Variants in FSTL3 observed in about 807,000 individuals in gnomAD.
FSTL3 encodes follistatin like 3.
FSTL3 carries 21 observed loss-of-function variants against 28.1 expected under a neutral mutation model. That is an observed-to-expected ratio of 0.75 (90% CI 0.53 to 1.08). The LOEUF is 1.08. Among genes scored for constraint, FSTL3 ranks in the 50% least tolerant of loss-of-function variants. The pLI is 0.00. For missense variants in FSTL3, 400 were observed against 380.9 expected, an observed-to-expected ratio of 1.05 and a Z score of -0.42; for synonymous variants, 199 against 164.2, an observed-to-expected ratio of 1.21 and a Z score of -1.62.
chr19:681,596 G>A (rs1262221729), intron 4 of FSTL3, 36 bp downstream of exon 4: 2 of 1,596,470 alleles, frequency 1.3e-6, no homozygotes, highest in African/African-American at 2.7e-5. Flanking sequence ...GCCTGTCCTG[G>A]GGGCCGGAGA....
Position 681,775 on chromosome 19 carries a change from G to A in FSTL3, c.*67G>A. On this transcript the variant is annotated 3_prime_UTR_variant, in exon 5 of 5. Transcript: ENST00000166139. Reference sequence around the variant, plus strand: ...TCATCCCCTGTTATTTATTGCCACAGCAGAGTCTAATTTATATGCCACGGA... The same window carrying A: ...TCATCCCCTGTTATTTATTGCCACAACAGAGTCTAATTTATATGCCACGGA... 2 of 1,353,746 alleles carry A rather than the reference G, an allele frequency of 1.5e-6. No individual in the cohort carries two copies. The highest frequency in any genetic ancestry group is 2.1e-6 in the Non-Finnish European group (2 of 970,314). 83.9% of individuals were successfully genotyped at this position (1,353,746 alleles called of 1,614,324 possible).
At chr19:679,733 C>G (rs2031284229) in intron 2 of FSTL3, among the ~76,000 whole-genome samples, 1 of 152,150 alleles carries the variant, frequency 6.6e-6, no homozygotes, top group South Asian at 2.1e-4. Flanking sequence ...GGTTCAGAGG[C>G]CTAGGGCTGT....
chr19:681,441 G>A lies in FSTL3; in HGVS notation c.614G>A (p.Ser205Asn). Residue 205 changes from serine to asparagine, a missense_variant, in exon 4 of 5, where the codon AGC (serine) becomes AAC (asparagine). Ser to Asn is a conservative substitution (Grantham distance 46). Coordinates refer to ENST00000166139, the MANE Select transcript of FSTL3 (RefSeq NM_005860.3). ...CRAAPCPVPS[S>N]PGQELCGNNN... ...GCGGCGCCCTGCCCTGTGCCCTCCA[G>A]CCCCGGCCAGGAGCTTTGCGGCAAC... 6.3e-7 allele frequency: 1 copy of A among 1,598,982 alleles called. No homozygotes were observed. The highest frequency in any genetic ancestry group is 8.5e-7 in the Non-Finnish European group (1 of 1,179,316).
chr19:680,545 T>C (rs1395994423), intron 3 of FSTL3, 56 bp downstream of exon 3: 2 of 952,300 alleles, frequency 2.1e-6, no homozygotes, highest in Admixed American at 4.7e-5. Context: ...GACCTGCGCG[T>C]CATGTATCGA....
Position 682,917 on chromosome 19 carries a change from G to A in FSTL3, c.*1209G>A. On this transcript the variant is annotated 3_prime_UTR_variant, in exon 5 of 5. Transcript: ENST00000166139. ...CCGGGTGTCCCAGTGGCACCACTAG[G>A]TGCCTGCTGCCTCCACAGTGGGGTT... is the stretch of plus-strand genomic sequence containing the variant. 1 of 232,822 alleles carries A rather than the reference G, an allele frequency of 4.3e-6. No individual in the cohort carries two copies. The highest frequency in any genetic ancestry group is 6.0e-5 in the East Asian group (1 of 16,536). The allele number at this position is 232,822 out of a possible 1,614,324, so 14.4% of individuals were successfully genotyped here.
chr19:677,429 G>C (rs1222350656), intron 1 of FSTL3, among the ~76,000 whole-genome samples: 1 of 152,198 alleles, frequency 6.6e-6, no homozygotes, highest in Non-Finnish European at 1.5e-5. Flanking sequence ...CGGGAGAAGC[G>C]GCTCCAGGGC....
chr19:679,536 C>T (rs1423042425), intron 2 of FSTL3, among the ~76,000 whole-genome samples: 1 of 152,224 alleles, frequency 6.6e-6, no homozygotes, highest in Non-Finnish European at 1.5e-5. Flanking sequence ...GGTGCTTGGG[C>T]CCCTGCACTC....
In FSTL3 at chr19:683,320, A is replaced by G. The variant is rs1355304573; in HGVS notation, c.*1612A>G. On this transcript the variant is annotated 3_prime_UTR_variant, in exon 5 of 5. Coordinates refer to ENST00000166139, the MANE Select transcript of FSTL3 (RefSeq NM_005860.3). ...AGTGCCCCTAGGTTGGTGGGTCTAC[A>G]GGAGCCTCAGCCAGGCAGCCCACCC... The G allele has an allele frequency of 3.1e-5, 7 of 226,338 alleles. No individual in the cohort carries two copies. Among genetic ancestry groups the G allele is most frequent in the Admixed American group, 2.3e-4 (4 of 17,504 alleles). 14.0% of individuals were successfully genotyped at this position (226,338 alleles called of 1,614,324 possible).
Position 681,624 on chromosome 19 carries a change from C to T in FSTL3, c.734-26C>T, listed in dbSNP as rs1282558263. 4 of 1,590,260 alleles carry T rather than the reference C, an allele frequency of 2.5e-6. No individual in the cohort carries two copies. In the African/African-American group the frequency reaches 4.0e-5, roughly 16 times the overall value. The stretch of plus-strand genomic sequence containing the variant: ...GCCGGAGAACCCCCTGCCCTGCGCC[C>T]TCAATGCTCTTATCGACCCTTGCAG... On this transcript the variant is annotated intron_variant, in intron 4 of 4. Transcript: ENST00000166139.
intron 2 of FSTL3, 194 bp from the exon 3 acceptor site, chr19:680,080 C>CCGGTCCCG (rs567903764): frequency 0.031 from 9,578 of 311,110 alleles, 200 homozygotes; most frequent in African/African-American, 0.059. Flanking sequence ...CTCGGCCCCA[C>CCGGTCCCG]CGGTCCCGCG....
intron 1 of FSTL3, among the ~76,000 whole-genome samples, chr19:677,520 G>A (rs1479054214): frequency 6.7e-6 from 1 of 148,610 alleles, no homozygotes; most frequent in Non-Finnish European, 1.5e-5. Flanking sequence ...TGGCCTGGGG[G>A]CTTGGAGGGT....
intron 2 of FSTL3, among the ~76,000 whole-genome samples, chr19:678,773 A>G (rs1359469386): frequency 6.6e-6 from 1 of 152,016 alleles, no homozygotes; most frequent in African/African-American, 2.4e-5. Flanking sequence ...GGCCTCCCAA[A>G]GTGCTGGGAT....
At chr19:680,007 C>CCCG (rs935635561) in intron 2 of FSTL3, 2 of 204,756 alleles carry the variant, frequency 9.8e-6, no homozygotes, top group Non-Finnish European at 9.1e-6. Context: ...AGAGACCCCC[C>CCCG]CCCGCCCCGG....
At chr19:677,162 G>C (rs2031230166) in intron 1 of FSTL3, among the ~76,000 whole-genome samples, 2 of 152,176 alleles carry the variant, frequency 1.3e-5, no homozygotes, top group South Asian at 4.1e-4. Flanking sequence ...CCTGCCCCCA[G>C]GGACGGGGGA....
chr19:680,019 C>G (rs1305517061), intron 2 of FSTL3: 2 of 217,396 alleles, frequency 9.2e-6, no homozygotes, highest in Admixed American at 1.2e-4. Context: ...CCGCCCCGGC[C>G]CGCGCGCACC....
At chr19:679,875 C>T (rs988428552) in intron 2 of FSTL3, among the ~76,000 whole-genome samples, 1 of 152,210 alleles carries the variant, frequency 6.6e-6, no homozygotes, top group Non-Finnish European at 1.5e-5. Flanking sequence ...ACACCCCAGG[C>T]TGACGCAGCT....
rs767250155 is a variant in FSTL3, at chr19:681,540, G to A, written c.713G>A (p.Arg238His). ...TTCCTGGGCCGCTCCATCGGCGTGCGCCACGCGGGCAGCTGCGCAGGTGCA... is the reference window on the plus strand; with the variant it reads ...TTCCTGGGCCGCTCCATCGGCGTGCACCACGCGGGCAGCTGCGCAGGTGCA... ...TCFLGRSIGV[R>H]HAGSCAGTPE... The change falls in exon 4 of 5, where the codon CGC (arginine) becomes CAC (histidine). Residue 238 changes from arginine (R) to histidine (H), a missense_variant. Coordinates refer to ENST00000166139, the MANE Select transcript of FSTL3 (RefSeq NM_005860.3). 2 of 1,607,346 alleles carry A rather than the reference G, an allele frequency of 1.2e-6. No homozygotes were observed. The highest frequency in any genetic ancestry group is 4.5e-5 in the East Asian group (2 of 44,834).
At position 680,486 on chromosome 19, in the gene FSTL3, C is replaced by A; in HGVS notation, c.502C>A (p.Arg168Ser). Residue 168 changes from arginine (R) to serine (S), a missense_variant, in exon 3 of 5, where the codon CGC becomes AGC. Coordinates refer to ENST00000166139, the MANE Select transcript of FSTL3 (RefSeq NM_005860.3). ...DLSVMYRGRC[R>S]KSCEHVVCPR... ...GAGCGTCATGTACCGGGGCCGCTGC[C>A]GCAGTACGTGGGGGCGTGGTCTGTG... The A allele has an allele frequency of 8.0e-7, 1 of 1,246,664 alleles. No homozygotes were observed. The highest frequency in any genetic ancestry group is 1.0e-6 in the Non-Finnish European group (1 of 994,890). 77.2% of individuals were successfully genotyped at this position (1,246,664 alleles called of 1,614,324 possible). A position where few individuals can be genotyped will look rare whatever the true frequency, so the allele number is the denominator to read the frequency against.
Position 680,361 on chromosome 19 carries a change from C to T in FSTL3, c.377C>T (p.Ser126Leu), listed in dbSNP as rs768914737. The T allele has an allele frequency of 1.1e-4, 137 of 1,280,600 alleles. No individual in the cohort carries two copies. The highest frequency in any genetic ancestry group is 1.3e-4 in the Non-Finnish European group (134 of 1,016,470). The allele number at this position is 1,280,600 out of a possible 1,614,324, so 79.3% of individuals were successfully genotyped here. The change falls in exon 3 of 5, where the codon TCG (serine) becomes TTG (leucine). Residue 126 changes from serine to leucine, a missense_variant. By Grantham distance (145) the Ser-to-Leu change is moderately radical. Coordinates refer to ENST00000166139, the MANE Select transcript of FSTL3 (RefSeq NM_005860.3). ...RPRCECAPDC[S>L]GLPARLQVCG... ...CGCTGCGAGTGCGCGCCCGACTGCT[C>T]GGGGCTCCCGGCGCGGCTGCAGGTC...
Sources: gnomAD v4.1 joint callset for allele counts (sites outside exome capture counted in the v4.1 genomes callset) on GRCh38, gnomAD v4.1.1 for gene constraint, MANE v1.5 for transcripts, NCBI Gene and HGNC (gene_info 2026-07-23, HGNC 2026-07-21) for gene names.